The following RUFY2 variants were observed in gnomAD, a reference collection of about 807,000 sequenced individuals.
The protein encoded by RUFY2 is RUN and FYVE domain containing 2.
RUFY2 carries 49 observed loss-of-function variants against 94.4 expected under a neutral mutation model. The observed-to-expected ratio is 0.52, with a 90% CI of 0.41 to 0.66. RUFY2 has a LOEUF of 0.66. Among genes scored for constraint, RUFY2 ranks in the 30% least tolerant of loss-of-function variants. The probability of loss-of-function intolerance (pLI) is 0.00; values close to 1 mark genes in which losing one functional copy is unlikely to be tolerated. For synonymous variants in RUFY2, 255 were observed against 235.7 expected, an observed-to-expected ratio of 1.08 and a Z score of -0.75; for missense variants, 541 against 692.8, an observed-to-expected ratio of 0.78 and a Z score of 2.46.
chr10:68,399,370 G>T (rs1296715888), intron 3 of RUFY2, among the ~76,000 whole-genome samples: 1 of 151,902 alleles, frequency 6.6e-6, no homozygotes, highest in African/African-American at 2.4e-5. Context: ...CTAAAAACTG[G>T]GTTTAAATCC....
chr10:68,373,182 C>T (rs2048394749), intron 13 of RUFY2, among the ~76,000 whole-genome samples: 1 of 152,014 alleles, frequency 6.6e-6, no homozygotes, highest in African/African-American at 2.4e-5. Context: ...ATGTTAATGC[C>T]AACAGACTGT....
intron 10 of RUFY2, among the ~76,000 whole-genome samples, chr10:68,381,820 CG>C (rs1370902544): frequency 4.6e-5 from 7 of 152,164 alleles, no homozygotes; most frequent in Admixed American, 1.3e-4. Flanking sequence ...TGCACTCCAG[CG>C]GGGGCAAGAG....
At chr10:68,341,643 A>C, downstream of RUFY2, 2 of 1,613,480 alleles carry the variant, frequency 1.2e-6, no homozygotes, top group Non-Finnish European at 1.7e-6. Context: ...CTGGCATGGG[A>C]GGTTCTGGAA....
At chr10:68,372,622 G>A (rs2048358070) in intron 13 of RUFY2, among the ~76,000 whole-genome samples, 1 of 150,276 alleles carries the variant, frequency 6.7e-6, no homozygotes, top group African/African-American at 2.4e-5. Flanking sequence ...AGGCACAGTG[G>A]CTCACGGCTG....
chr10:68,341,669 G>A (rs1400750190), downstream of RUFY2: 1 of 1,612,410 alleles, frequency 6.2e-7, no homozygotes, highest in Non-Finnish European at 8.5e-7. Flanking sequence ...GGCTACGGAA[G>A]AGATGGAATG....
chr10:68,364,038 T>C lies in RUFY2; in HGVS notation c.1401A>G (p.Lys467=). Residue 467 remains lysine, a synonymous_variant, in exon 14 of 18, where the codon AAA becomes AAG. Transcript: ENST00000602465. ...CATTTCTAAGATGAGATAAGGCATC[T>C]TTCTCCTTTTGAAGATCTTCCTGCA... ...QTLQEDLQKE[K]DALSHLRNET... 6.2e-7 allele frequency: 1 copy of C among 1,612,098 alleles called. No homozygotes were observed. The highest frequency in any genetic ancestry group is 8.5e-7 in the Non-Finnish European group (1 of 1,178,398).
At position 68,363,641 on chromosome 10, in the gene RUFY2, AT is replaced by A. The variant is rs894118734; in HGVS notation, c.1498del (p.Ile500TyrfsTer26). Reference sequence around the variant, plus strand: ...AAGAGCTTGCTCTTGTTCATGATATATTTTTTTCAACTGCTGATTTTCATCC... The same window carrying A: ...AAGAGCTTGCTCTTGTTCATGATATATTTTTTCAACTGCTGATTTTCATCC... ...LQDENQQLKK[I>X]YHEQEQALQE... On this transcript the variant is annotated frameshift_variant, in exon 15 of 18. Transcript: ENST00000602465. LOFTEE classifies it high-confidence loss of function. The A allele has an allele frequency of 1.9e-6, 3 of 1,608,402 alleles. No individual in the cohort carries two copies. The highest frequency in any genetic ancestry group is 2.5e-6 in the Non-Finnish European group (3 of 1,178,408).
chr10:68,406,006 A>G (rs1257396351), intron 1 of RUFY2, among the ~76,000 whole-genome samples: 1 of 152,208 alleles, frequency 6.6e-6, no homozygotes, highest in Non-Finnish European at 1.5e-5. Context: ...TTAGAAATTC[A>G]GACGCTTCCC....
intron 13 of RUFY2, among the ~76,000 whole-genome samples, chr10:68,365,058 T>C (rs10998084): frequency 0.038 from 5,754 of 152,282 alleles, 131 homozygotes; most frequent in Non-Finnish European, 0.048. Flanking sequence ...GTTGAGTACA[T>C]TATTTTAATA....
At chr10:68,403,580 T>C (rs1422793443) in intron 2 of RUFY2, among the ~76,000 whole-genome samples, 2 of 152,126 alleles carry the variant, frequency 1.3e-5, no homozygotes, top group African/African-American at 4.8e-5. Context: ...ATAAAAACCA[T>C]GTTTTGCTCT....
At chr10:68,372,294 G>A (rs2048333172) in intron 13 of RUFY2, among the ~76,000 whole-genome samples, 1 of 152,144 alleles carries the variant, frequency 6.6e-6, no homozygotes, top group Non-Finnish European at 1.5e-5. Flanking sequence ...TAGCTACTCA[G>A]GAGGCTGAGG....
chr10:68,405,066 G>C (rs1351122164), intron 1 of RUFY2, among the ~76,000 whole-genome samples: 1 of 152,104 alleles, frequency 6.6e-6, no homozygotes, highest in Non-Finnish European at 1.5e-5. Context: ...TGTAATCCCA[G>C]CACTTTGGGA....
At chr10:68,348,816 C>A (rs2046458417) in intron 16 of RUFY2, among the ~76,000 whole-genome samples, 2 of 152,158 alleles carry the variant, frequency 1.3e-5, no homozygotes, top group Non-Finnish European at 2.9e-5. Flanking sequence ...TCATTTTACA[C>A]ATGAGAAAAC....
chr10:68,369,985 G>A (rs1391143827), intron 13 of RUFY2, among the ~76,000 whole-genome samples: 1 of 149,384 alleles, frequency 6.7e-6, no homozygotes, highest in Non-Finnish European at 1.5e-5. Context: ...TATATTAATA[G>A]AAAGTAAACT....
At chr10:68,349,515 TCTAAAAAAA>T (rs2046510834) in intron 16 of RUFY2, among the ~76,000 whole-genome samples, 3 of 151,872 alleles carry the variant, frequency 2.0e-5, no homozygotes, top group Admixed American at 6.6e-5. Flanking sequence ...AGACACTGTC[TCTAAAAAAA>T]TTTTTTTTTA....
Position 68,383,817 on chromosome 10 carries a change from T to C in RUFY2, c.920A>G (p.Asp307Gly), listed in dbSNP as rs1294938050. 2 of 1,612,298 alleles carry C rather than the reference T, an allele frequency of 1.2e-6. No homozygotes were observed. The highest frequency in any genetic ancestry group is 8.5e-7 in the Non-Finnish European group (1 of 1,178,412). ...MYNEARRQLR[D>G]ESQLRQDVEN... ...ACCTACCTGTCGTAACTGAGATTCA[T>C]CTCGAAGCTGCCTTCTGGCTTCATT... is the stretch of plus-strand genomic sequence containing the variant. The change falls in exon 10 of 18, where the codon GAT becomes GGT. Residue 307 changes from aspartate to glycine, a missense_variant. Around this residue, in one of 3 missense-constraint regions of RUFY2, gnomAD observed 403 missense variants for 480.7 expected, o/e 0.84. Transcript: ENST00000602465.
chr10:68,395,640 A>G (rs2050339784), intron 4 of RUFY2, among the ~76,000 whole-genome samples: 2 of 152,196 alleles, frequency 1.3e-5, no homozygotes, highest in Non-Finnish European at 2.9e-5. Context: ...GAGAGTTGTG[A>G]AAGAAATAGG....
chr10:68,390,306 GATT>G (rs2049878475), intron 7 of RUFY2, among the ~76,000 whole-genome samples: 1 of 151,930 alleles, frequency 6.6e-6, no homozygotes, highest in African/African-American at 2.4e-5. Flanking sequence ...TGTATTTTCT[GATT>G]ATAATACATA....
rs527638696 is a variant in RUFY2, at chr10:68,363,902, G to A, written c.1455+82C>T. The A allele has an allele frequency of 8.8e-6, 10 of 1,134,478 alleles. No homozygotes were observed. The South Asian group carries it at 1.1e-4, about 13-fold the overall frequency. The allele number at this position is 1,134,478 out of a possible 1,614,324, so 70.3% of individuals were successfully genotyped here. A position where few individuals can be genotyped will look rare whatever the true frequency, so the allele number is the denominator to read the frequency against. ...GATGACTAGTATATCCATTTCCTTG[G>A]TATAATGTAAATTATGATTTATCTT... On this transcript the variant is annotated intron_variant, in intron 14 of 17. Coordinates refer to ENST00000602465, the MANE Select transcript of RUFY2 (RefSeq NM_001330103.2).
Sources: allele counts gnomAD v4.1 joint callset (sites outside exome capture counted in the v4.1 genomes callset), GRCh38; gene constraint gnomAD v4.1.1; regional missense constraint gnomAD v4.1.1; transcripts MANE v1.5; gene names NCBI Gene and HGNC (gene_info 2026-07-23, HGNC 2026-07-21).